TSPOAP1: variants seen among roughly 807,000 people sequenced by gnomAD.
TSPOAP1 encodes TSPO associated protein 1.
In TSPOAP1, 87 loss-of-function variants were observed where a neutral mutation model predicts 197.0. That is an observed-to-expected ratio of 0.44 (90% CI 0.37 to 0.53). TSPOAP1 has a LOEUF of 0.53. Among genes scored for constraint, TSPOAP1 ranks in the 20% least tolerant of loss-of-function variants. The probability of loss-of-function intolerance (pLI) is 0.00; values close to 1 mark genes in which losing one functional copy is unlikely to be tolerated. For missense variants in TSPOAP1, 2,174 were observed against 2,411.3 expected, an observed-to-expected ratio of 0.90 and a Z score of 2.06; for synonymous variants, 913 against 998.9, an observed-to-expected ratio of 0.91 and a Z score of 1.62.
At chr17:58,311,811 A>G in intron 17 of TSPOAP1, 81 bp downstream of exon 17, 1 of 1,489,772 alleles carries the variant, frequency 6.7e-7, no homozygotes, top group Non-Finnish European at 8.9e-7. Flanking sequence ...GATAACGCAA[A>G]TAAGATCAGG....
chr17:58,308,322 C>T (rs1215147559), intron 22 of TSPOAP1, among the ~76,000 whole-genome samples: 2 of 152,256 alleles, frequency 1.3e-5, no homozygotes, highest in Non-Finnish European at 2.9e-5. Flanking sequence ...CCGCAACAGG[C>T]GACTAGTGAT....
At position 58,316,014 on chromosome 17, in the gene TSPOAP1, C is replaced by T; in HGVS notation, c.2098+9G>A. Reference sequence around the variant, plus strand: ...GAATGGACAGAATGACCCCCCACTACATTCCTACCTTCAAAAAAGCCATCC... The same window carrying T: ...GAATGGACAGAATGACCCCCCACTATATTCCTACCTTCAAAAAAGCCATCC... On this transcript the variant is annotated intron_variant, in intron 16 of 31. Coordinates refer to ENST00000343736, the MANE Select transcript of TSPOAP1 (RefSeq NM_004758.4). 1.9e-6 allele frequency: 3 copies of T among 1,605,710 alleles called. No homozygotes were observed. Among genetic ancestry groups the T allele is most frequent in the Non-Finnish European group, 2.6e-6 (3 of 1,172,440 alleles).
rs138210351 is a variant in TSPOAP1 at position 58,327,632 on chromosome 17, C to A, written c.289G>T (p.Ala97Ser). The A allele has an allele frequency of 1.9e-6, 3 of 1,613,408 alleles. No individual in the cohort carries two copies. The highest frequency in any genetic ancestry group is 4.5e-5 in the East Asian group (2 of 44,894). The change falls in exon 1 of 32, where the codon GCC becomes TCC. Residue 97 changes from alanine to serine, a missense_variant. Coordinates refer to ENST00000343736, the MANE Select transcript of TSPOAP1 (RefSeq NM_004758.4). ...TCCTCATCCTCTGGCCTCTGGCAGG[C>A]GGGTCCAGAGCTGGATGCTTGCTGG... is the stretch of plus-strand genomic sequence containing the variant. Reference protein sequence around the residue: ...LGQQASSSGPACQRPEDEEVE... With the variant: ...LGQQASSSGPSCQRPEDEEVE...
In TSPOAP1 at chr17:58,327,974, G is replaced by T. The variant is rs912938707; in HGVS notation, c.-54C>A. The stretch of plus-strand genomic sequence containing the variant: ...GCCGGGGGACATCACCCAGCCAGGT[G>T]GGGGGACTGGCGAGGGTCATGCCAG... On this transcript the variant is annotated 5_prime_UTR_variant, in exon 1 of 32. Coordinates refer to ENST00000343736, the MANE Select transcript of TSPOAP1 (RefSeq NM_004758.4). 254 of 1,459,166 alleles carry T rather than the reference G, an allele frequency of 1.7e-4. 1 individual carries two copies. The highest frequency in any genetic ancestry group is 4.2e-5 in the Non-Finnish European group (46 of 1,085,180). The allele number at this position is 1,459,166 out of a possible 1,614,324, so 90.4% of individuals were successfully genotyped here.
chr17:58,302,392 G>C lies in TSPOAP1; in HGVS notation c.*88C>G, dbSNP rs758424771. 4 of 1,287,570 alleles carry C rather than the reference G, an allele frequency of 3.1e-6. No homozygotes were observed. Among genetic ancestry groups the C allele is most frequent in the Non-Finnish European group, 4.0e-6 (4 of 988,100 alleles). The allele number at this position is 1,287,570 out of a possible 1,614,324, so 79.8% of individuals were successfully genotyped here. A position where few individuals can be genotyped will look rare whatever the true frequency, so the allele number is the denominator to read the frequency against. ...AATCCTGGGGGCGCTGCCAGAGCTG[G>C]GGGTACAAGGCCCACCTGGGGGCCC... On this transcript the variant is annotated 3_prime_UTR_variant, in exon 32 of 32. Transcript: ENST00000343736.
chr17:58,320,542 G>A lies in TSPOAP1; in HGVS notation c.1462C>T (p.Gln488Ter). ...TCCAGGCGCCCTACCTCCAGCAGCT[G>A]CACGGCTCCTTCATGTTCCCTCTGG... ...EAQREHEGAV[Q>*]LLESTLDSMQ... Residue 488 changes from glutamine to a stop codon, truncating the protein, a stop_gained, in exon 11 of 32, where the codon CAG (glutamine) becomes TAG (stop). Transcript: ENST00000343736. LOFTEE classifies it high-confidence loss of function. 1 of 1,506,942 alleles carries A rather than the reference G, an allele frequency of 6.6e-7. No homozygotes were observed. Among genetic ancestry groups the A allele is most frequent in the Non-Finnish European group, 8.9e-7 (1 of 1,129,754 alleles). The allele number at this position is 1,506,942 out of a possible 1,614,324, so 93.3% of individuals were successfully genotyped here. A position where few individuals can be genotyped will look rare whatever the true frequency, so the allele number is the denominator to read the frequency against.
At chr17:58,314,245 G>A (rs1015037036) in intron 16 of TSPOAP1, among the ~76,000 whole-genome samples, 1 of 152,198 alleles carries the variant, frequency 6.6e-6, no homozygotes, top group Admixed American at 6.5e-5. Flanking sequence ...AAGAGGGACT[G>A]TCAATAAATT....
In TSPOAP1 at chr17:58,324,772, T is replaced by C. The variant is rs1971522394; in HGVS notation, c.942+39A>G. The C allele has an allele frequency of 1.4e-6, 2 of 1,384,590 alleles. No individual in the cohort carries two copies. Among genetic ancestry groups the C allele is most frequent in the Non-Finnish European group, 1.9e-6 (2 of 1,066,812 alleles). 85.8% of individuals were successfully genotyped at this position (1,384,590 alleles called of 1,614,324 possible). A position where few individuals can be genotyped will look rare whatever the true frequency, so the allele number is the denominator to read the frequency against. On this transcript the variant is annotated intron_variant, in intron 5 of 31. Transcript: ENST00000343736. The surrounding 1 kb of genome is among the most constrained non-coding windows in gnomAD (Gnocchi z 5.8). ...CCGGTGGTCGTTCCCCCCACCCATC[T>C]GCACGCACCCACACACCTGCCCTTG...
At chr17:58,308,431 C>T (rs1486470058) in intron 22 of TSPOAP1, 110 bp downstream of exon 22, 1 of 1,457,402 alleles carries the variant, frequency 6.9e-7, no homozygotes, top group Non-Finnish European at 9.1e-7. Context: ...CCGGCCCCAC[C>T]TCTGCTGATG....
intron 10 of TSPOAP1, among the ~76,000 whole-genome samples, chr17:58,321,455 G>A (rs1971403014): frequency 6.6e-6 from 1 of 152,088 alleles, no homozygotes; most frequent in Admixed American, 6.5e-5. Context: ...CCGCCACCAT[G>A]TCAGGTTAAT....
intron 18 of TSPOAP1, 77 bp downstream of exon 18, chr17:58,311,493 AG>A (rs1230302653): frequency 3.5e-5 from 53 of 1,507,626 alleles, no homozygotes; most frequent in Non-Finnish European, 4.2e-5. Flanking sequence ...CTCCGTGCCA[AG>A]CCAGAGAGCC....
rs1247886641 is a variant in TSPOAP1, at chr17:58,324,788, C to T, written c.942+23G>A. ...CCACCCATCTGCACGCACCCACACACCTGCCCTTGCGCCGGCGCTCACCTC... is the reference window on the plus strand; with the variant it reads ...CCACCCATCTGCACGCACCCACACATCTGCCCTTGCGCCGGCGCTCACCTC... On this transcript the variant is annotated intron_variant, in intron 5 of 31. Coordinates refer to ENST00000343736, the MANE Select transcript of TSPOAP1 (RefSeq NM_004758.4). The surrounding 1 kb of genome is among the most constrained non-coding windows in gnomAD (Gnocchi z 5.8). 12 of 1,443,828 alleles carry T rather than the reference C, an allele frequency of 8.3e-6. No individual in the cohort carries two copies. Among genetic ancestry groups the T allele is most frequent in the Non-Finnish European group, 1.0e-5 (11 of 1,102,092 alleles). The allele number at this position is 1,443,828 out of a possible 1,614,324, so 89.4% of individuals were successfully genotyped here.
At position 58,327,583 on chromosome 17, in the gene TSPOAP1, CT is replaced by C; in HGVS notation, c.333+4del. Reference sequence around the variant, plus strand: ...GCAGACCCCAGCCCTCCACAGATCCCTTACCTTCAGGAAAGCCTCCACTTCC... The same window carrying C: ...GCAGACCCCAGCCCTCCACAGATCCCTACCTTCAGGAAAGCCTCCACTTCC... On this transcript the variant is annotated splice_donor_region_variant and intron_variant, in intron 1 of 31. Transcript: ENST00000343736. 6.2e-7 allele frequency: 1 copy of C among 1,610,308 alleles called. No individual in the cohort carries two copies. Among genetic ancestry groups the C allele is most frequent in the Non-Finnish European group, 8.5e-7 (1 of 1,177,850 alleles).
intron 4 of TSPOAP1, chr17:58,325,312 A>G: frequency 1.6e-6 from 1 of 637,718 alleles, no homozygotes; most frequent in South Asian, 1.9e-5. Flanking sequence ...ACCCACCGGC[A>G]AACAGCCTCA....
Position 58,322,296 on chromosome 17 carries a change from C to G in TSPOAP1, c.1422+12G>C. 1 of 1,601,016 alleles carries G rather than the reference C, an allele frequency of 6.2e-7. No homozygotes were observed. The highest frequency in any genetic ancestry group is 8.5e-7 in the Non-Finnish European group (1 of 1,179,300). On this transcript the variant is annotated intron_variant, in intron 10 of 31. Coordinates refer to ENST00000343736, the MANE Select transcript of TSPOAP1 (RefSeq NM_004758.4). The surrounding 1 kb of genome is among the most constrained non-coding windows in gnomAD (Gnocchi z 5.0). ...TCCAGCAGCCTGCCAGCTTCCCTCA[C>G]TGCCGCCCCACCTGCTGCAGTCTCC...
At position 58,323,290 on chromosome 17, in the gene TSPOAP1, GA is replaced by G; in HGVS notation, c.1104+7del. 6.2e-7 allele frequency: 1 copy of G among 1,613,914 alleles called. No homozygotes were observed. The highest frequency in any genetic ancestry group is 8.5e-7 in the Non-Finnish European group (1 of 1,179,980). The stretch of plus-strand genomic sequence containing the variant: ...GAGCTGGCCTCTGGGTTGCCCTCAA[GA>G]GCTCACCAGCTCCTCACATCGCCTC... On this transcript the variant is annotated splice_region_variant and intron_variant, in intron 7 of 31. Coordinates refer to ENST00000343736, the MANE Select transcript of TSPOAP1 (RefSeq NM_004758.4).
rs1397772821 is a variant in TSPOAP1 at position 58,326,287 on chromosome 17, C to T, written c.570+6G>A. The T allele has an allele frequency of 1.9e-6, 3 of 1,613,856 alleles. No individual in the cohort carries two copies. Among genetic ancestry groups the T allele is most frequent in the Admixed American group, 1.7e-5 (1 of 60,006 alleles). ...CAGCCTCCGCCCAGCAGCCTCCTTTCCTCACCACCCTCAGGTTCGTTTCCT... is the reference window on the plus strand; with the variant it reads ...CAGCCTCCGCCCAGCAGCCTCCTTTTCTCACCACCCTCAGGTTCGTTTCCT... On this transcript the variant is annotated splice_donor_region_variant and intron_variant, in intron 3 of 31. Transcript: ENST00000343736. The surrounding 1 kb of genome is among the most constrained non-coding windows in gnomAD (Gnocchi z 4.7).
chr17:58,320,056 A>T, intron 12 of TSPOAP1, 53 bp downstream of exon 12: 1 of 1,611,770 alleles, frequency 6.2e-7, no homozygotes. Flanking sequence ...GAGGGAGGAG[A>T]TGCAACTCAG....
At chr17:58,306,240 A>C (rs906480627) in intron 26 of TSPOAP1, 102 bp downstream of exon 26, 1 of 1,229,278 alleles carries the variant, frequency 8.1e-7, no homozygotes, top group South Asian at 1.3e-5. Context: ...CCACCAGCAC[A>C]CACATCCTCC....
Sources: allele counts gnomAD v4.1 joint callset (sites outside exome capture counted in the v4.1 genomes callset), GRCh38; gene constraint gnomAD v4.1.1; non-coding constraint Gnocchi (gnomAD v3.1); transcripts MANE v1.5; gene names NCBI Gene and HGNC (gene_info 2026-07-23, HGNC 2026-07-21).